Variants in FAM13A observed in about 807,000 individuals in gnomAD.
The protein encoded by FAM13A is family with sequence similarity 13 member A, also known as protein FAM13A.
FAM13A carries 76 observed loss-of-function variants against 129.6 expected under a neutral mutation model. The ratio of observed to expected loss-of-function variants is 0.59; its 90% CI spans 0.49 to 0.71. FAM13A has a LOEUF of 0.71. Ranked by LOEUF, FAM13A falls within the 30% of genes least tolerant of loss-of-function variation. FAM13A has a pLI of 0.00. For synonymous variants in FAM13A, 443 were observed against 449.9 expected (o/e 0.98, Z 0.20); for missense variants, 1,108 against 1,249.3 (o/e 0.89, Z 1.70).
At position 88,994,947 on chromosome 4, in the gene FAM13A, T is replaced by C. The variant is rs188565033; in HGVS notation, c.428-3797A>G. Among the ~76,000 whole-genome samples, 598 of 152,340 alleles carry C rather than the reference T, an allele frequency of 3.9e-3. 1 individual carries two copies. The highest frequency in any genetic ancestry group is 7.1e-3 in the Non-Finnish European group (480 of 68,032). ...TTATACATTCATGTTCTCGTATTTA[T>C]ATTGATAATTATGATGGCTCACTTA... On this transcript the variant is annotated intron_variant, in intron 3 of 23. Transcript: ENST00000264344.
intron 3 of FAM13A, among the ~76,000 whole-genome samples, chr4:88,995,320 T>C (rs1303722261): frequency 6.6e-6 from 1 of 152,166 alleles, no homozygotes; most frequent in Admixed American, 6.5e-5. Context: ...GGATGCAAAG[T>C]ATTGTTCCTG....
At chr4:88,837,690 C>T (rs1735061842) in intron 7 of FAM13A, among the ~76,000 whole-genome samples, 1 of 141,012 alleles carries the variant, frequency 7.1e-6, no homozygotes, top group Admixed American at 7.4e-5. Flanking sequence ...TGCACTCCAG[C>T]CTGGGCAACA....
chr4:89,023,168 A>T (rs1767499368), intron 2 of FAM13A, among the ~76,000 whole-genome samples: 1 of 152,206 alleles, frequency 6.6e-6, no homozygotes, highest in African/African-American at 2.4e-5. Context: ...ATCAGGTTCT[A>T]TTGGGAGATG....
In FAM13A at chr4:88,767,603, T is replaced by A; in HGVS notation, c.1536-8A>T. Reference sequence around the variant, plus strand: ...TCTTTTTCATTTCCTTTCCTATAAATAATGGCAACAACAAAAAAATCATAA... The same window carrying A: ...TCTTTTTCATTTCCTTTCCTATAAAAAATGGCAACAACAAAAAAATCATAA... On this transcript the variant is annotated splice_region_variant and splice_polypyrimidine_tract_variant and intron_variant, in intron 12 of 23. Coordinates refer to ENST00000264344, the MANE Select transcript of FAM13A (RefSeq NM_014883.4). 6.3e-7 allele frequency: 1 copy of A among 1,590,114 alleles called. No individual in the cohort carries two copies. Among genetic ancestry groups the A allele is most frequent in the Non-Finnish European group, 8.5e-7 (1 of 1,170,970 alleles).
intron 4 of FAM13A, among the ~76,000 whole-genome samples, chr4:88,985,790 C>T (rs1311852066): frequency 1.3e-5 from 2 of 150,944 alleles, no homozygotes; most frequent in African/African-American, 4.9e-5. Context: ...AGAAAAGTAC[C>T]ATTGACTAAA....
At position 88,728,448 on chromosome 4, in the gene FAM13A, C is replaced by T; in HGVS notation, c.*85G>A. The T allele has an allele frequency of 1.3e-6, 2 of 1,569,088 alleles. No individual in the cohort carries two copies. Among genetic ancestry groups the T allele is most frequent in the Non-Finnish European group, 1.7e-6 (2 of 1,145,196 alleles). On this transcript the variant is annotated 3_prime_UTR_variant, in exon 24 of 24. Coordinates refer to ENST00000264344, the MANE Select transcript of FAM13A (RefSeq NM_014883.4). ...GCTGCATGCTTTGCAGGGCCAGCCC[C>T]AAGGCTGCCTTCCAGAGCTGCACTT...
At chr4:88,922,465 G>A (rs1032207125) in intron 5 of FAM13A, among the ~76,000 whole-genome samples, 5 of 152,110 alleles carry the variant, frequency 3.3e-5, no homozygotes, top group Admixed American at 2.6e-4. Context: ...GGTACATAAC[G>A]AAATGAAGGC....
At chr4:88,809,870 T>C (rs560458284) in intron 7 of FAM13A, among the ~76,000 whole-genome samples, 158 of 146,204 alleles carry the variant, frequency 1.1e-3, no homozygotes, top group Admixed American at 3.3e-3. Flanking sequence ...CCGGTGGGCT[T>C]TTTTTTTTTT....
At chr4:88,788,637 A>G (rs1476343888) in intron 9 of FAM13A, among the ~76,000 whole-genome samples, 4 of 152,186 alleles carry the variant, frequency 2.6e-5, no homozygotes, top group African/African-American at 9.7e-5. Flanking sequence ...AGTGCATGGT[A>G]AGCTAGAAAT....
intron 6 of FAM13A, among the ~76,000 whole-genome samples, chr4:88,864,635 C>A (rs1020171648): frequency 6.6e-6 from 1 of 151,940 alleles, no homozygotes; most frequent in African/African-American, 2.4e-5. Flanking sequence ...TCTCCATCTC[C>A]TGACCTCATG....
At chr4:88,839,067 T>G (rs1485560426) in intron 7 of FAM13A, among the ~76,000 whole-genome samples, 1 of 152,208 alleles carries the variant, frequency 6.6e-6, no homozygotes, top group Non-Finnish European at 1.5e-5. Flanking sequence ...ATCATGTTAT[T>G]TATTTTGTTC....
intron 7 of FAM13A, among the ~76,000 whole-genome samples, chr4:88,820,705 G>A (rs542260870): frequency 2.2e-4 from 34 of 152,280 alleles, no homozygotes; most frequent in African/African-American, 7.9e-4. Context: ...GATTTAGGAA[G>A]CTTGTTAAAA....
intron 5 of FAM13A, among the ~76,000 whole-genome samples, chr4:88,920,764 G>A (rs1750930188): frequency 6.6e-6 from 1 of 152,210 alleles, no homozygotes; most frequent in Admixed American, 6.5e-5. Flanking sequence ...AGCTACAGGA[G>A]GAAATTCAAA....
chr4:88,777,415 T>C (rs559414061), intron 11 of FAM13A, among the ~76,000 whole-genome samples: 24 of 152,032 alleles, frequency 1.6e-4, no homozygotes, highest in Non-Finnish European at 3.2e-4. Flanking sequence ...GGAGATAAGG[T>C]TTTCTTCTGG....
chr4:88,808,450 A>T (rs78363248), intron 7 of FAM13A, among the ~76,000 whole-genome samples: 1 of 152,136 alleles, frequency 6.6e-6, no homozygotes, highest in Non-Finnish European at 1.5e-5. Flanking sequence ...ATTTACACCT[A>T]TTTCTGTTTT....
intron 7 of FAM13A, among the ~76,000 whole-genome samples, chr4:88,812,811 C>G (rs747619695): frequency 6.6e-6 from 1 of 152,164 alleles, no homozygotes; most frequent in Non-Finnish European, 1.5e-5. Flanking sequence ...GTAAATGGCT[C>G]TTGAATAAAA....
At chr4:88,887,821 C>A (rs1451272582) in intron 6 of FAM13A, among the ~76,000 whole-genome samples, 1 of 152,182 alleles carries the variant, frequency 6.6e-6, no homozygotes, top group African/African-American at 2.4e-5. Flanking sequence ...GCGTGAGCCA[C>A]CGTGCCTGGT....
chr4:88,967,520 GGGTAGCTGCAAATA>G (rs1759509658), intron 4 of FAM13A, among the ~76,000 whole-genome samples: 1 of 152,136 alleles, frequency 6.6e-6, no homozygotes, highest in Non-Finnish European at 1.5e-5. Context: ...CTCTTGTAGT[GGGTAGCTGCAAATA>G]TATTCAGGGT....
chr4:88,962,629 A>G (rs1758784416), intron 4 of FAM13A, among the ~76,000 whole-genome samples: 1 of 152,160 alleles, frequency 6.6e-6, no homozygotes, highest in African/African-American at 2.4e-5. Flanking sequence ...GAGAGAGAGC[A>G]TATGTGTCAA....
Sources: gnomAD v4.1 joint callset for allele counts (sites outside exome capture counted in the v4.1 genomes callset) on GRCh38, gnomAD v4.1.1 for gene constraint, MANE v1.5 for transcripts, NCBI Gene and HGNC (gene_info 2026-07-23, HGNC 2026-07-21) for gene names.